The following LRP1B variants were observed in gnomAD, a reference collection of about 807,000 sequenced individuals.
The protein encoded by LRP1B is low-density lipoprotein receptor-related protein 1B.
Under a neutral mutation model 556.6 loss-of-function variants are expected in LRP1B, and 217 were observed. The observed-to-expected ratio is 0.39, with a 90% confidence interval of 0.35 to 0.44. The LOEUF (loss-of-function observed/expected upper bound fraction) is 0.44, where lower values mean the gene tolerates loss of function less well. Ranked by LOEUF, LRP1B falls within the 20% of genes least tolerant of loss-of-function variation. The pLI, the probability that LRP1B is intolerant of heterozygous loss-of-function variation, is 1.00. For synonymous variants in LRP1B, 2,047 were observed against 1,865.8 expected, an observed-to-expected ratio of 1.10 and a Z score of -2.50; for missense variants, 5,053 against 5,620.8, an observed-to-expected ratio of 0.90 and a Z score of 3.23.
chr2:140,856,641 CTTTA>C (rs1290702044), intron 27 of LRP1B, among the ~76,000 whole-genome samples: 1 of 151,854 alleles, frequency 6.6e-6, no homozygotes, highest in African/African-American at 2.4e-5. Flanking sequence ...GAAAATAAAA[CTTTA>C]TTTACAAGAC....
At chr2:141,044,442 C>T (rs1444497611) in intron 11 of LRP1B, among the ~76,000 whole-genome samples, 3 of 151,194 alleles carry the variant, frequency 2.0e-5, no homozygotes, top group Non-Finnish European at 4.4e-5. Context: ...AACTAAAGAG[C>T]TTCTGCACAG....
intron 7 of LRP1B, among the ~76,000 whole-genome samples, chr2:141,132,591 T>A (rs1478935720): frequency 6.6e-6 from 1 of 151,976 alleles, no homozygotes; most frequent in Non-Finnish European, 1.5e-5. Context: ...ACTATTAAAA[T>A]CTAATATAAT....
chr2:141,147,163 C>T (rs564286236), intron 7 of LRP1B, among the ~76,000 whole-genome samples: 2 of 152,298 alleles, frequency 1.3e-5, no homozygotes, highest in South Asian at 4.1e-4. Context: ...TGTTCCATGT[C>T]TCACTGGGCT....
intron 3 of LRP1B, among the ~76,000 whole-genome samples, chr2:141,405,407 A>T (rs570043068): frequency 6.6e-6 from 1 of 152,186 alleles, no homozygotes; most frequent in Non-Finnish European, 1.5e-5. Context: ...TTATAGAACT[A>T]CATTAATTTA....
chr2:140,506,493 C>T (rs1428777997), intron 53 of LRP1B, among the ~76,000 whole-genome samples: 1 of 152,142 alleles, frequency 6.6e-6, no homozygotes, highest in East Asian at 1.9e-4. Flanking sequence ...ATCCACCCGC[C>T]TCAGCCTCCC....
At chr2:140,377,344 G>A (rs1683280360) in intron 68 of LRP1B, among the ~76,000 whole-genome samples, 2 of 152,212 alleles carry the variant, frequency 1.3e-5, no homozygotes, top group African/African-American at 2.4e-5. Flanking sequence ...CAAAGTGCTA[G>A]GATTACAGGC....
At chr2:141,648,305 T>G (rs1282208366) in intron 2 of LRP1B, among the ~76,000 whole-genome samples, 1 of 152,162 alleles carries the variant, frequency 6.6e-6, no homozygotes, top group Non-Finnish European at 1.5e-5. Flanking sequence ...CTTCTTTCAT[T>G]GATTAGAAAA....
At chr2:141,982,087 G>C (rs576577360) in intron 1 of LRP1B, among the ~76,000 whole-genome samples, 7 of 152,168 alleles carry the variant, frequency 4.6e-5, no homozygotes, top group Admixed American at 4.6e-4. Flanking sequence ...ATTGCTTTTT[G>C]TTTAATAATA....
intron 27 of LRP1B, among the ~76,000 whole-genome samples, chr2:140,856,730 AAG>A (rs1261620933): frequency 2.1e-5 from 3 of 144,224 alleles, no homozygotes; most frequent in Non-Finnish European, 4.5e-5. Flanking sequence ...GGCGGGAACT[AAG>A]AGAGATACAC....
intron 49 of LRP1B, among the ~76,000 whole-genome samples, chr2:140,518,034 A>C (rs190861386): frequency 1.3e-5 from 2 of 152,028 alleles, no homozygotes; most frequent in African/African-American, 4.8e-5. Context: ...ACTGGGTGTC[A>C]TCTGTTCCAT....
chr2:141,171,713 G>A (rs1307810596), intron 7 of LRP1B, among the ~76,000 whole-genome samples: 1 of 151,934 alleles, frequency 6.6e-6, no homozygotes, highest in Non-Finnish European at 1.5e-5. Flanking sequence ...GCTTGAGTCT[G>A]AATCCTGACT....
intron 3 of LRP1B, among the ~76,000 whole-genome samples, chr2:141,263,977 G>T (rs972941876): frequency 6.6e-6 from 1 of 152,106 alleles, no homozygotes; most frequent in African/African-American, 2.4e-5. Context: ...TAATAGAGGG[G>T]AATTTCTTCA....
chr2:141,907,378 A>G (rs1699785659), intron 1 of LRP1B, among the ~76,000 whole-genome samples: 1 of 151,986 alleles, frequency 6.6e-6, no homozygotes, highest in South Asian at 2.1e-4. Flanking sequence ...TTTAAATCTA[A>G]ATGTGAATAT....
intron 25 of LRP1B, among the ~76,000 whole-genome samples, chr2:140,872,360 A>ATTTTTTTTTTTTTTTTTTTT (rs59469282): frequency 1.5e-4 from 9 of 60,488 alleles, no homozygotes; most frequent in Non-Finnish European, 2.4e-4. Flanking sequence ...GTGTCACCTG[A>ATTTTTTTTTTTTTTTTTTTT]TTTTTTTTTT....
intron 25 of LRP1B, among the ~76,000 whole-genome samples, chr2:140,874,526 T>A (rs2105169458): frequency 6.6e-6 from 1 of 152,290 alleles, no homozygotes; most frequent in Middle Eastern, 3.4e-3. Flanking sequence ...TTGCCTTTGG[T>A]AACCAGTCTA....
intron 2 of LRP1B, among the ~76,000 whole-genome samples, chr2:141,752,945 G>GAA (rs70994450): frequency 0.095 from 2,691 of 28,218 alleles, 486 homozygotes; most frequent in African/African-American, 0.23. Context: ...CCCTGTCTCA[G>GAA]AAAAAAAAAA....
chr2:141,461,110 T>G (rs1053899993), intron 3 of LRP1B, among the ~76,000 whole-genome samples: 2 of 151,146 alleles, frequency 1.3e-5, no homozygotes, highest in Admixed American at 6.6e-5. Context: ...ACTAAGCAAG[T>G]AAATTAAATA....
chr2:141,736,608 C>T (rs1426957463), intron 2 of LRP1B, among the ~76,000 whole-genome samples: 1 of 151,980 alleles, frequency 6.6e-6, no homozygotes, highest in East Asian at 1.9e-4. Flanking sequence ...GTTAAGCCAC[C>T]CAATGTGTAG....
intron 41 of LRP1B, among the ~76,000 whole-genome samples, chr2:140,619,714 ATGG>A (rs1046207281): frequency 2.0e-5 from 3 of 152,212 alleles, no homozygotes; most frequent in African/African-American, 7.2e-5. Context: ...AAGAAGCACT[ATGG>A]AAATAAATGT....
Sources: gnomAD v4.1 joint callset for allele counts (sites outside exome capture counted in the v4.1 genomes callset) on GRCh38, gnomAD v4.1.1 for gene constraint, MANE v1.5 for transcripts, NCBI Gene and HGNC (gene_info 2026-07-23, HGNC 2026-07-21) for gene names.